GALNT14: variants seen among roughly 807,000 people sequenced by gnomAD.
The protein encoded by GALNT14 is UDP-GalNAc:polypeptide N-acetylgalactosaminyltransferase 14.
GALNT14 carries 60 observed loss-of-function variants against 77.5 expected under a neutral mutation model. The observed-to-expected ratio is 0.77, with a 90% CI of 0.63 to 0.96. The LOEUF (loss-of-function observed/expected upper bound fraction) is 0.96. GALNT14 is among the 40% of genes least tolerant of loss of function. The probability of loss-of-function intolerance (pLI) is 0.00; values close to 1 mark genes in which losing one functional copy is unlikely to be tolerated. For missense variants in GALNT14, 710 were observed against 731.0 expected (o/e 0.97, Z 0.33); for synonymous variants, 280 against 281.7 (o/e 0.99, Z 0.06).
chr2:30,954,201 C>G (rs895248617), intron 6 of GALNT14, among the ~76,000 whole-genome samples: 2 of 152,118 alleles, frequency 1.3e-5, no homozygotes, highest in African/African-American at 2.4e-5. Context: ...GTGGGAATGT[C>G]ATGGCATGTC....
At chr2:31,048,386 T>C (rs1366519827) in intron 1 of GALNT14, among the ~76,000 whole-genome samples, 1 of 152,196 alleles carries the variant, frequency 6.6e-6, no homozygotes, top group African/African-American at 2.4e-5. Flanking sequence ...ATGAGGAGCC[T>C]GATCAGGTAG....
intron 1 of GALNT14, among the ~76,000 whole-genome samples, chr2:31,085,338 G>T (rs891746383): frequency 5.9e-5 from 9 of 152,230 alleles, no homozygotes; most frequent in African/African-American, 1.9e-4. Context: ...AATGAGAAGG[G>T]CCTCCAGAGA....
chr2:31,044,990 G>C (rs959817132), intron 1 of GALNT14, among the ~76,000 whole-genome samples: 2 of 152,074 alleles, frequency 1.3e-5, no homozygotes, highest in Admixed American at 6.6e-5. Flanking sequence ...TCACAGGAAA[G>C]CACTGTCTGG....
At position 30,910,475 on chromosome 2, in the gene GALNT14, C is replaced by T. The variant is rs1046296900; in HGVS notation, c.*426G>A. On this transcript the variant is annotated 3_prime_UTR_variant, in exon 15 of 15. Transcript: ENST00000349752. ...GAAAAGAGCAAGAGATGTCCAGAGA[C>T]AACTTCTAAGTTTCTCTTTATTTCT... 2.5e-5 allele frequency: 4 copies of T among 158,648 alleles called. No homozygotes were observed. The highest frequency in any genetic ancestry group is 9.6e-5 in the African/African-American group (4 of 41,532). The allele number at this position is 158,648 out of a possible 1,614,324, so 9.8% of individuals were successfully genotyped here. A position where few individuals can be genotyped will look rare whatever the true frequency, so the allele number is the denominator to read the frequency against.
At chr2:30,923,208 G>T (rs551849185) in intron 13 of GALNT14, among the ~76,000 whole-genome samples, 1 of 151,254 alleles carries the variant, frequency 6.6e-6, no homozygotes, top group African/African-American at 2.4e-5. Context: ...GATTACAGGC[G>T]CATGCCACCC....
chr2:31,001,371 AGTTGAAT>A (rs1670360345), intron 1 of GALNT14, among the ~76,000 whole-genome samples: 1 of 152,240 alleles, frequency 6.6e-6, no homozygotes, highest in African/African-American at 2.4e-5. Context: ...GAGGTAGGGT[AGTTGAAT>A]GATAAGCAGA....
chr2:30,958,347 G>T, intron 4 of GALNT14, 50 bp downstream of exon 4: 1 of 1,503,564 alleles, frequency 6.7e-7, no homozygotes, highest in East Asian at 2.3e-5. Context: ...TTACAGAGTG[G>T]CTGGGAACAG....
At chr2:31,009,907 A>G (rs966834857) in intron 1 of GALNT14, among the ~76,000 whole-genome samples, 1 of 152,108 alleles carries the variant, frequency 6.6e-6, no homozygotes, top group African/African-American at 2.4e-5. Context: ...CCATCTCTAC[A>G]ACCATACCCA....
At chr2:31,066,581 G>A (rs984405997) in intron 1 of GALNT14, among the ~76,000 whole-genome samples, 1 of 152,122 alleles carries the variant, frequency 6.6e-6, no homozygotes, top group African/African-American at 2.4e-5. Context: ...AGTTGGACAC[G>A]AAGTACATCT....
chr2:30,970,994 G>T (rs1668318827), intron 2 of GALNT14, among the ~76,000 whole-genome samples: 1 of 152,176 alleles, frequency 6.6e-6, no homozygotes, highest in Non-Finnish European at 1.5e-5. Flanking sequence ...CTAATCTGGT[G>T]CTCGTCCCTA....
At chr2:31,068,484 G>A (rs189500516) in intron 1 of GALNT14, among the ~76,000 whole-genome samples, 1 of 148,520 alleles carries the variant, frequency 6.7e-6, no homozygotes, top group African/African-American at 2.5e-5. Flanking sequence ...ACTCCAGCTG[G>A]GTGACAAAGC....
chr2:30,955,273 G>A lies in GALNT14; in HGVS notation c.654+345C>T, dbSNP rs895550350. On this transcript the variant is annotated intron_variant, in intron 6 of 14. Coordinates refer to ENST00000349752, the MANE Select transcript of GALNT14 (RefSeq NM_024572.4). ...CCTTTCTACAAAAGACACCCATAAG[G>A]GTTCCCATTCTGGAACCTTCTGCTC... 8.5e-5 allele frequency among the ~76,000 whole-genome samples: 13 copies of A among 152,200 alleles called. No homozygotes were observed. The East Asian group carries it at 1.9e-3, about 23-fold the overall frequency.
intron 1 of GALNT14, 22 bp downstream of exon 1, chr2:31,137,936 A>T: frequency 6.2e-7 from 1 of 1,600,060 alleles, no homozygotes; most frequent in Non-Finnish European, 8.5e-7. Context: ...GCTCAGCGCC[A>T]GCGCGCCGGC....
intron 1 of GALNT14, among the ~76,000 whole-genome samples, chr2:31,105,632 A>C (rs1204246879): frequency 6.6e-6 from 1 of 152,122 alleles, no homozygotes; most frequent in Non-Finnish European, 1.5e-5. Context: ...AGGCTGAGGC[A>C]AAAGAATCGC....
intron 1 of GALNT14, among the ~76,000 whole-genome samples, chr2:31,106,581 C>T (rs1017005457): frequency 3.3e-5 from 5 of 152,124 alleles, no homozygotes; most frequent in African/African-American, 9.7e-5. Flanking sequence ...CCACCTCTTG[C>T]CATTTTGTCA....
At chr2:30,948,855 A>G (rs186965364) in intron 6 of GALNT14, among the ~76,000 whole-genome samples, 1 of 152,306 alleles carries the variant, frequency 6.6e-6, no homozygotes, top group East Asian at 1.9e-4. Context: ...ATCTTTCCCC[A>G]GTATTTAAAA....
At chr2:31,086,113 G>T (rs1041290278) in intron 1 of GALNT14, among the ~76,000 whole-genome samples, 12 of 152,064 alleles carry the variant, frequency 7.9e-5, no homozygotes, top group African/African-American at 2.9e-4. Context: ...TGAGATTTGG[G>T]TGGGGACAAA....
At chr2:30,971,843 T>C (rs186896305) in intron 2 of GALNT14, among the ~76,000 whole-genome samples, 106 of 152,240 alleles carry the variant, frequency 7.0e-4, no homozygotes, top group African/African-American at 2.4e-3. Flanking sequence ...AGTCATGTCA[T>C]GATGCGTGCG....
intron 1 of GALNT14, among the ~76,000 whole-genome samples, chr2:31,053,448 G>T (rs879656148): frequency 3.5e-5 from 5 of 141,736 alleles, no homozygotes; most frequent in Non-Finnish European, 7.7e-5. Context: ...TTCCCCACCC[G>T]CCCTGTCATG....
Sources: allele counts gnomAD v4.1 joint callset (sites outside exome capture counted in the v4.1 genomes callset), GRCh38; gene constraint gnomAD v4.1.1; transcripts MANE v1.5; gene names NCBI Gene and HGNC (gene_info 2026-07-23, HGNC 2026-07-21).